Variants in IDO2 observed in about 807,000 individuals in gnomAD.
IDO2 encodes indoleamine 2,3-dioxygenase-like 1 protein.
A neutral mutation model predicts 45.1 loss-of-function variants in IDO2; 46 were observed. The observed-to-expected ratio is 1.02, with a 90% CI of 0.80 to 1.30. The LOEUF is 1.30. Ranked by LOEUF, IDO2 falls within the 50% of genes most tolerant of loss-of-function variation. The pLI, the probability that IDO2 is intolerant of heterozygous loss-of-function variation, is 0.00. For synonymous variants in IDO2, 218 were observed against 184.9 expected (o/e 1.18, Z -1.45); for missense variants, 544 against 491.8 (o/e 1.11, Z -1.00).
intron 6 of IDO2, among the ~76,000 whole-genome samples, chr8:39,986,696 A>AGATAGATG (rs1808429033): frequency 2.0e-5 from 3 of 151,646 alleles, no homozygotes. Context: ...ATAGATAGAT[A>AGATAGATG]GATAGATAGA....
chr8:39,940,990 G>A (rs915469427), intron 1 of IDO2, among the ~76,000 whole-genome samples: 27 of 151,290 alleles, frequency 1.8e-4, no homozygotes, highest in Admixed American at 3.3e-4. Flanking sequence ...GGAGGCTGAG[G>A]CAGGCGGATC....
chr8:39,988,686 G>A (rs1404477409), intron 7 of IDO2, among the ~76,000 whole-genome samples: 1 of 152,004 alleles, frequency 6.6e-6, no homozygotes, highest in African/African-American at 2.4e-5. Context: ...CAAAGTGCTG[G>A]GATTACAGGT....
intron 1 of IDO2, among the ~76,000 whole-genome samples, chr8:39,941,849 C>A (rs1807647719): frequency 6.6e-6 from 1 of 151,780 alleles, no homozygotes; most frequent in African/African-American, 2.4e-5. Flanking sequence ...CTTTGGGAGG[C>A]CGAGGCAGAA....
At chr8:39,952,222 T>C (rs896801713) in intron 2 of IDO2, among the ~76,000 whole-genome samples, 16 of 151,638 alleles carry the variant, frequency 1.1e-4, no homozygotes, top group Admixed American at 1.1e-3. Flanking sequence ...GTTGCAAGAG[T>C]AGATAGAGAA....
chr8:39,980,402 A>G (rs1173581246), intron 4 of IDO2, among the ~76,000 whole-genome samples: 1 of 151,986 alleles, frequency 6.6e-6, no homozygotes, highest in Non-Finnish European at 1.5e-5. Context: ...TTTTTTTTTA[A>G]TACTGCTTTC....
chr8:40,013,441 C>T (rs78393395), intron 9 of IDO2, 124 bp from the exon 10 acceptor site: 16,840 of 913,814 alleles, frequency 0.018, 201 homozygotes, highest in Non-Finnish European at 0.025. Flanking sequence ...TACCCCCAAT[C>T]CCTCACCCTA....
At chr8:40,001,394 C>T (rs144317410) in intron 8 of IDO2, among the ~76,000 whole-genome samples, 1 of 151,794 alleles carries the variant, frequency 6.6e-6, no homozygotes, top group Middle Eastern at 3.4e-3. Context: ...GGACTACAGG[C>T]GTGCACCACC....
intron 9 of IDO2, among the ~76,000 whole-genome samples, chr8:40,008,070 A>G (rs1351856126): frequency 7.6e-6 from 1 of 130,942 alleles, no homozygotes; most frequent in Non-Finnish European, 1.6e-5. Flanking sequence ...TTTTTGAGAC[A>G]GAGTCTTGCT....
At chr8:39,968,596 A>C (rs1808131111) in intron 3 of IDO2, among the ~76,000 whole-genome samples, 1 of 152,162 alleles carries the variant, frequency 6.6e-6, no homozygotes, top group African/African-American at 2.4e-5. Context: ...GACTCTCAGC[A>C]AACTAACACA....
intron 9 of IDO2, among the ~76,000 whole-genome samples, chr8:40,007,403 C>T (rs1462550117): frequency 1.3e-5 from 2 of 151,710 alleles, no homozygotes; most frequent in Admixed American, 6.6e-5. Context: ...GTAGAGGGTA[C>T]AGAGTGGAAG....
intron 4 of IDO2, among the ~76,000 whole-genome samples, chr8:39,981,158 T>A (rs1169047694): frequency 6.6e-6 from 1 of 151,742 alleles, no homozygotes; most frequent in South Asian, 2.1e-4. Flanking sequence ...GCCTCCCAGG[T>A]TCACGCCAGT....
chr8:39,955,715 G>A (rs979142300), intron 2 of IDO2, among the ~76,000 whole-genome samples: 1 of 152,126 alleles, frequency 6.6e-6, no homozygotes, highest in African/African-American at 2.4e-5. Context: ...ATCTCCCAAT[G>A]TCAGGTCCCA....
intron 9 of IDO2, among the ~76,000 whole-genome samples, chr8:40,011,544 C>T (rs1441633095): frequency 6.6e-6 from 1 of 152,130 alleles, no homozygotes. Context: ...TTTTCAACAG[C>T]TGTAGGAAGC....
At chr8:39,961,991 T>C (rs1007631499) in intron 2 of IDO2, among the ~76,000 whole-genome samples, 3 of 152,216 alleles carry the variant, frequency 2.0e-5, no homozygotes, top group African/African-American at 7.2e-5. Flanking sequence ...TTGCTTACCA[T>C]ATGGTTTATG....
intron 2 of IDO2, among the ~76,000 whole-genome samples, chr8:39,961,881 T>C (rs1808002891): frequency 6.6e-6 from 1 of 152,196 alleles, no homozygotes; most frequent in Non-Finnish European, 1.5e-5. Flanking sequence ...AAAAATTCAA[T>C]TGTGCAGGTT....
At chr8:40,006,970 A>G (rs1307783881) in intron 9 of IDO2, among the ~76,000 whole-genome samples, 1 of 152,096 alleles carries the variant, frequency 6.6e-6, no homozygotes, top group East Asian at 1.9e-4. Context: ...TGATAACTCT[A>G]CTTTTAGATA....
At chr8:39,977,506 C>A (rs1327410250) in intron 3 of IDO2, among the ~76,000 whole-genome samples, 1 of 152,112 alleles carries the variant, frequency 6.6e-6, no homozygotes, top group Non-Finnish European at 1.5e-5. Context: ...ATAGTGAGAC[C>A]CCCATCCCTA....
At chr8:40,001,139 C>T (rs1043290128) in intron 8 of IDO2, among the ~76,000 whole-genome samples, 10 of 151,828 alleles carry the variant, frequency 6.6e-5, no homozygotes, top group African/African-American at 2.4e-4. Context: ...AGCTGATTTC[C>T]CTGATTTCTG....
At chr8:39,968,435 G>A (rs1808128981) in intron 3 of IDO2, among the ~76,000 whole-genome samples, 1 of 152,168 alleles carries the variant, frequency 6.6e-6, no homozygotes, top group Admixed American at 6.5e-5. Flanking sequence ...ATGGCACTCA[G>A]GTGATGGATA....
Sources: allele counts gnomAD v4.1 joint callset (sites outside exome capture counted in the v4.1 genomes callset), GRCh38; gene constraint gnomAD v4.1.1; transcripts MANE v1.5; gene names NCBI Gene and HGNC (gene_info 2026-07-23, HGNC 2026-07-21).